COL4A3: variants seen among roughly 807,000 people sequenced by gnomAD.
The protein encoded by COL4A3 is collagen alpha-3(IV) chain.
COL4A3 carries 135 observed loss-of-function variants against 217.4 expected under a neutral mutation model. That is an observed-to-expected ratio of 0.62 (90% CI 0.54 to 0.72). The LOEUF (loss-of-function observed/expected upper bound fraction) is 0.72, where lower values mean the gene tolerates loss of function less well. Ranked by LOEUF, COL4A3 falls within the 30% of genes least tolerant of loss-of-function variation. The pLI is 0.00. For missense variants in COL4A3, 1,868 were observed against 2,119.9 expected, an observed-to-expected ratio of 0.88 and a Z score of 2.33; for synonymous variants, 690 against 736.3, an observed-to-expected ratio of 0.94 and a Z score of 1.02.
intron 1 of COL4A3, chr2:227,228,658 T>G (rs1260131118): frequency 6.6e-6 from 1 of 152,106 alleles, no homozygotes; most frequent in African/African-American, 2.4e-5. Context: ...AGAGAAATAG[T>G]CAAGATTATT....
chr2:227,178,158 G>A (rs897000807), intron 1 of COL4A3, among the ~76,000 whole-genome samples: 2 of 152,130 alleles, frequency 1.3e-5, no homozygotes, highest in Non-Finnish European at 2.9e-5. Flanking sequence ...AAAGTTCACT[G>A]TATTACCCAG....
At chr2:227,184,818 G>A (rs574366119) in intron 1 of COL4A3, among the ~76,000 whole-genome samples, 30 of 137,352 alleles carry the variant, frequency 2.2e-4, no homozygotes, top group African/African-American at 6.5e-4. Flanking sequence ...TTCATTATGC[G>A]CATTTTAGAA....
At chr2:227,276,186 C>T (rs2071548860) in intron 26 of COL4A3, among the ~76,000 whole-genome samples, 199 bp from the exon 27 acceptor site, 3 of 152,230 alleles carry the variant, frequency 2.0e-5, no homozygotes. Flanking sequence ...ATTGTCTACA[C>T]TTATAAATAT....
chr2:227,218,293 C>T (rs1222331317), intron 1 of COL4A3, among the ~76,000 whole-genome samples: 1 of 151,602 alleles, frequency 6.6e-6, no homozygotes, highest in Non-Finnish European at 1.5e-5. Flanking sequence ...GGTGAAACCC[C>T]GTCTCTACTA....
rs1381294506 is a variant in COL4A3, at chr2:227,314,592, G to GTATC, written c.*2723_*2726dup. The GTATC allele has an allele frequency of 6.6e-6, 1 of 152,318 alleles. No homozygotes were observed. The highest frequency in any genetic ancestry group is 1.5e-5 in the Non-Finnish European group (1 of 67,978). 9.4% of individuals were successfully genotyped at this position (152,318 alleles called of 1,614,324 possible). A position where few individuals can be genotyped will look rare whatever the true frequency, so the allele number is the denominator to read the frequency against. On this transcript the variant is annotated 3_prime_UTR_variant, in exon 52 of 52. Transcript: ENST00000396578. ...TGGCTAACTTACAAAGATTCTCTAT[G>GTATC]TATCAAATGTAACTTACTGCGACTA...
At chr2:227,274,082 C>G (rs937000695) in intron 26 of COL4A3, among the ~76,000 whole-genome samples, 24 of 151,904 alleles carry the variant, frequency 1.6e-4, no homozygotes, top group African/African-American at 5.8e-4. Flanking sequence ...ACTAAAAATA[C>G]AAAAATTAGC....
rs370402830 is a variant in COL4A3 at position 227,295,377 on chromosome 2, T to C, written c.3565+61T>C. 3 of 1,420,990 alleles carry C rather than the reference T, an allele frequency of 2.1e-6. No individual in the cohort carries two copies. The African/African-American group carries it at 4.2e-5, about 20-fold the overall frequency. 88.0% of individuals were successfully genotyped at this position (1,420,990 alleles called of 1,614,324 possible). Reference sequence around the variant, plus strand: ...TTTTCAAGGAGAGAAAGCAGTTGAATATGCTTGAAATATAAAGTAAGCTTA... The same window carrying C: ...TTTTCAAGGAGAGAAAGCAGTTGAACATGCTTGAAATATAAAGTAAGCTTA... On this transcript the variant is annotated intron_variant, in intron 41 of 51. Transcript: ENST00000396578.
chr2:227,171,194 TGAAA>T (rs2065461758), intron 1 of COL4A3, among the ~76,000 whole-genome samples: 1 of 152,230 alleles, frequency 6.6e-6, no homozygotes, highest in South Asian at 2.1e-4. Flanking sequence ...TTCTTTTCCC[TGAAA>T]GAAACTAGAA....
At chr2:227,185,893 A>G (rs949721014) in intron 1 of COL4A3, among the ~76,000 whole-genome samples, 5 of 152,184 alleles carry the variant, frequency 3.3e-5, no homozygotes, top group Admixed American at 2.0e-4. Context: ...TGGAACTCTC[A>G]TGTGAAAACA....
Position 227,289,233 on chromosome 2 carries a change from C to T in COL4A3, c.2965C>T (p.Pro989Ser), listed in dbSNP as rs774477588. 4.3e-6 allele frequency: 7 copies of T among 1,613,328 alleles called. No homozygotes were observed. Among genetic ancestry groups the T allele is most frequent in the African/African-American group, 1.3e-5 (1 of 74,996 alleles). The change falls in exon 35 of 52, where the codon CCA (proline) becomes TCA (serine). Residue 989 changes from proline to serine, a missense_variant. Around this residue, in one of 2 missense-constraint regions of COL4A3, gnomAD observed 1,503 missense variants for 1,786.1 expected, o/e 0.84. Transcript: ENST00000396578. Reference protein sequence around the residue: ...GLKGLKGLPGPAGPPGPRGDL... With the variant: ...GLKGLKGLPGSAGPPGPRGDL... ...AAAGGGCCTCAAAGGACTACCCGGA[C>T]CAGCAGGACCACCAGGTACAGCTGA...
At chr2:227,223,665 T>C (rs959853762) in intron 1 of COL4A3, among the ~76,000 whole-genome samples, 1 of 152,062 alleles carries the variant, frequency 6.6e-6, no homozygotes, top group African/African-American at 2.4e-5. Flanking sequence ...ACCTGGAAGG[T>C]GGAGGTTCCA....
intron 21 of COL4A3, chr2:227,266,052 G>A (rs1034008499): frequency 3.2e-5 from 8 of 251,926 alleles, no homozygotes; most frequent in African/African-American, 1.8e-4. Flanking sequence ...CTCCCACCAG[G>A]TCCCTTTCAT....
intron 1 of COL4A3, among the ~76,000 whole-genome samples, chr2:227,184,627 G>T (rs6747165): frequency 1.3e-5 from 2 of 151,888 alleles, no homozygotes; most frequent in Non-Finnish European, 2.9e-5. Context: ...TGGGGATCAC[G>T]TTTCCTTTTC....
At position 227,303,249 on chromosome 2, in the gene COL4A3, T is replaced by C. The variant is rs578127477; in HGVS notation, c.3955+139T>C. The C allele has an allele frequency of 4.5e-5, 32 of 706,254 alleles. 1 individual carries two copies. The South Asian group carries it at 5.0e-4, about 11-fold the overall frequency. The allele number at this position is 706,254 out of a possible 1,614,324, so 43.7% of individuals were successfully genotyped here. On this transcript the variant is annotated intron_variant, in intron 44 of 51. Coordinates refer to ENST00000396578, the MANE Select transcript of COL4A3 (RefSeq NM_000091.5). ...CTCAATACGAGTGAAGTAGGAAGGC[T>C]CCACTACACTATTTCAAGATTCTTT...
intron 23 of COL4A3, among the ~76,000 whole-genome samples, chr2:227,269,206 C>T (rs2071094593): frequency 6.6e-6 from 1 of 152,008 alleles, no homozygotes; most frequent in Non-Finnish European, 1.5e-5. Context: ...CATTCAAAAC[C>T]TTAGAAAAGT....
In COL4A3 at chr2:227,290,804, T is replaced by A; in HGVS notation, c.3128T>A (p.Leu1043His). 6.2e-7 allele frequency: 1 copy of A among 1,613,698 alleles called. No individual in the cohort carries two copies. Among genetic ancestry groups the A allele is most frequent in the Non-Finnish European group, 8.5e-7 (1 of 1,179,902 alleles). Reference protein sequence around the residue: ...GFPGRAGRPGLPGIHGLQGDK... With the variant: ...GFPGRAGRPGHPGIHGLQGDK... ...CCAGGTCGAGCAGGAAGACCAGGCC[T>A]CCCAGGTATTCATGGTCTCCAGGGA... Residue 1043 changes from leucine to histidine, a missense_variant, in exon 37 of 52, where the codon CTC becomes CAC. By Grantham distance (99) the Leu-to-His change is moderately conservative (BLOSUM62 -3). This residue lies in a region of COL4A3 where 1,503 missense variants were observed against 1,786.1 expected (regional missense o/e 0.84). Transcript: ENST00000396578.
chr2:227,250,089 G>A lies in COL4A3; in HGVS notation c.547-1051G>A, dbSNP rs1194464182. On this transcript the variant is annotated intron_variant, in intron 9 of 51. Coordinates refer to ENST00000396578, the MANE Select transcript of COL4A3 (RefSeq NM_000091.5). This position sits in a 1 kb window ranked among gnomAD's most constrained non-coding sequence, Gnocchi z 4.1. ...GCACTTTGGGAGGCCAAGGCAGGAG[G>A]ATCACTTGAGGTCAGGAGTTTGAGA... Among the ~76,000 whole-genome samples the A allele has an allele frequency of 6.6e-6, 1 of 152,134 alleles. No homozygotes were observed. The highest frequency in any genetic ancestry group is 1.9e-4 in the East Asian group (1 of 5,182).
At chr2:227,179,505 G>A (rs138487349) in intron 1 of COL4A3, among the ~76,000 whole-genome samples, 118 of 152,198 alleles carry the variant, frequency 7.8e-4, no homozygotes, top group African/African-American at 2.5e-3. Context: ...AAGTTTTCAC[G>A]TCTCATCCAT....
At chr2:227,267,680 T>C (rs549588146) in intron 23 of COL4A3, among the ~76,000 whole-genome samples, 2 of 152,274 alleles carry the variant, frequency 1.3e-5, no homozygotes, top group East Asian at 3.9e-4. Context: ...TGTCAGGCCC[T>C]GCATTAATAA....
Sources: allele counts gnomAD v4.1 joint callset (sites outside exome capture counted in the v4.1 genomes callset), GRCh38; gene constraint gnomAD v4.1.1; regional missense constraint gnomAD v4.1.1; non-coding constraint Gnocchi (gnomAD v3.1); transcripts MANE v1.5; gene names NCBI Gene and HGNC (gene_info 2026-07-23, HGNC 2026-07-21).